The following ADSS2 variants were observed in gnomAD, a reference collection of about 807,000 sequenced individuals.
ADSS2 encodes the protein adenylosuccinate synthetase isozyme 2.
In ADSS2, 30 loss-of-function variants were observed where a neutral mutation model predicts 60.0. The observed-to-expected ratio is 0.50, with a 90% CI of 0.37 to 0.68. The LOEUF (loss-of-function observed/expected upper bound fraction) is 0.68, where lower values mean the gene tolerates loss of function less well. Among genes scored for constraint, ADSS2 ranks in the 30% least tolerant of loss-of-function variants. The pLI is 0.00. For synonymous variants in ADSS2, 187 were observed against 193.1 expected, an observed-to-expected ratio of 0.97 and a Z score of 0.26; for missense variants, 373 against 554.8, an observed-to-expected ratio of 0.67 and a Z score of 3.29.
At chr1:244,440,374 G>T (rs1468596364) in intron 1 of ADSS2, among the ~76,000 whole-genome samples, 1 of 152,008 alleles carries the variant, frequency 6.6e-6, no homozygotes. Context: ...CTATTTACAC[G>T]GTGTTTTGCA....
At chr1:244,428,415 C>T (rs755269935) in intron 4 of ADSS2, among the ~76,000 whole-genome samples, 3 of 151,302 alleles carry the variant, frequency 2.0e-5, no homozygotes, top group South Asian at 2.1e-4. Context: ...ATAATATTTG[C>T]GGAATATCGC....
At chr1:244,418,701 GA>G (rs1021906636) in intron 9 of ADSS2, 58 bp downstream of exon 9, 12 of 1,456,292 alleles carry the variant, frequency 8.2e-6, no homozygotes, top group South Asian at 5.7e-5. Context: ...AATTCATTAA[GA>G]AAAAAAAGAA....
At position 244,451,269 on chromosome 1, in the gene ADSS2, C is replaced by T. The variant is rs1326292964; in HGVS notation, c.183+366G>A. On this transcript the variant is annotated intron_variant, in intron 1 of 12. Coordinates refer to ENST00000366535, the MANE Select transcript of ADSS2 (RefSeq NM_001126.5). The surrounding 1 kb of genome is among the most constrained non-coding windows in gnomAD (Gnocchi z 6.6). ...AGTCGGAAGAGTTGGGAGCAGGCCT[C>T]GGGCGGTAGCTCCTCAAACTCGGAC... is the stretch of plus-strand genomic sequence containing the variant. 6.6e-6 allele frequency among the ~76,000 whole-genome samples: 1 copy of T among 152,176 alleles called. No individual in the cohort carries two copies. Among genetic ancestry groups the T allele is most frequent in the Non-Finnish European group, 1.5e-5 (1 of 68,032 alleles).
At chr1:244,424,092 A>G in intron 5 of ADSS2, 32 bp from the exon 6 acceptor site, 1 of 1,564,384 alleles carries the variant, frequency 6.4e-7, no homozygotes, top group Non-Finnish European at 8.7e-7. Flanking sequence ...GCTTTAAGTC[A>G]GACAAGAAAG....
intron 4 of ADSS2, among the ~76,000 whole-genome samples, chr1:244,425,582 G>A (rs1664785147): frequency 6.6e-6 from 1 of 152,048 alleles, no homozygotes; most frequent in Non-Finnish European, 1.5e-5. Context: ...GATTAACCCT[G>A]CCCCTAAAAC....
At chr1:244,416,220 T>G (rs1161966210) in intron 10 of ADSS2, 142 bp from the exon 11 acceptor site, 1 of 618,356 alleles carries the variant, frequency 1.6e-6, no homozygotes, top group Non-Finnish European at 2.8e-6. Context: ...AGGATTATAT[T>G]TTAAAGCGTG....
intron 6 of ADSS2, among the ~76,000 whole-genome samples, chr1:244,423,367 G>C (rs1322819854): frequency 6.6e-6 from 1 of 152,136 alleles, no homozygotes; most frequent in Non-Finnish European, 1.5e-5. Context: ...TGATCGAAAG[G>C]GGATACAATG....
rs1665603027 is a variant in ADSS2 at position 244,451,539 on chromosome 1, G to A, written c.183+96C>T. 15 of 1,357,176 alleles carry A rather than the reference G, an allele frequency of 1.1e-5. No individual in the cohort carries two copies. Among genetic ancestry groups the A allele is most frequent in the Non-Finnish European group, 1.5e-5 (15 of 1,011,558 alleles). The allele number at this position is 1,357,176 out of a possible 1,614,324, so 84.1% of individuals were successfully genotyped here. On this transcript the variant is annotated intron_variant, in intron 1 of 12. Coordinates refer to ENST00000366535, the MANE Select transcript of ADSS2 (RefSeq NM_001126.5). The surrounding 1 kb of genome is among the most constrained non-coding windows in gnomAD (Gnocchi z 6.6). ...TCAAGGTGACACCTCATTTTGGCCA[G>A]TGGATCCGGGTTCTGGGTCCGAGTT...
At chr1:244,450,474 A>G (rs1042169820) in intron 1 of ADSS2, among the ~76,000 whole-genome samples, 2 of 152,258 alleles carry the variant, frequency 1.3e-5, no homozygotes, top group Non-Finnish European at 2.9e-5. Context: ...GCTTTTTAAC[A>G]TACCTGTGAT....
At chr1:244,430,791 T>G (rs997353831) in intron 4 of ADSS2, among the ~76,000 whole-genome samples, 2 of 152,150 alleles carry the variant, frequency 1.3e-5, no homozygotes, top group Non-Finnish European at 2.9e-5. Flanking sequence ...CAAAAACATA[T>G]TTTTCCTTAT....
chr1:244,410,105 T>A (rs1664378574), intron 12 of ADSS2, among the ~76,000 whole-genome samples: 1 of 152,210 alleles, frequency 6.6e-6, no homozygotes, highest in African/African-American at 2.4e-5. Context: ...CCAGCTTCCA[T>A]AAGGTACTGT....
chr1:244,430,017 C>A (rs1664899444), intron 4 of ADSS2, among the ~76,000 whole-genome samples: 1 of 152,074 alleles, frequency 6.6e-6, no homozygotes, highest in South Asian at 2.1e-4. Context: ...ACACATATGA[C>A]CACTAACACC....
At chr1:244,411,546 T>C in intron 11 of ADSS2, 110 bp from the exon 12 acceptor site, 2 of 1,143,346 alleles carry the variant, frequency 1.7e-6, no homozygotes, top group Non-Finnish European at 2.5e-6. Flanking sequence ...GAGCCACATA[T>C]GTTTTGGGAT....
intron 4 of ADSS2, among the ~76,000 whole-genome samples, chr1:244,426,895 A>G (rs964335775): frequency 1.3e-5 from 2 of 152,174 alleles, no homozygotes; most frequent in African/African-American, 4.8e-5. Context: ...TTCTATTGAT[A>G]TGATTTGTTT....
At chr1:244,442,285 T>C (rs1321087516) in intron 1 of ADSS2, among the ~76,000 whole-genome samples, 1 of 151,712 alleles carries the variant, frequency 6.6e-6, no homozygotes, top group Non-Finnish European at 1.5e-5. Flanking sequence ...TTTAGGCAGA[T>C]GGTTGTGATG....
intron 11 of ADSS2, among the ~76,000 whole-genome samples, chr1:244,414,103 A>G (rs1664476901): frequency 6.6e-6 from 1 of 152,146 alleles, no homozygotes; most frequent in Non-Finnish European, 1.5e-5. Context: ...GAATAATTCA[A>G]TCGTCCCCTA....
chr1:244,425,931 T>A (rs1360935315), intron 4 of ADSS2, among the ~76,000 whole-genome samples: 1 of 152,132 alleles, frequency 6.6e-6, no homozygotes, highest in Admixed American at 6.6e-5. Flanking sequence ...TATCCCAATA[T>A]TGGAAACAAC....
intron 1 of ADSS2, among the ~76,000 whole-genome samples, chr1:244,440,788 G>A (rs1011641611): frequency 1.1e-4 from 17 of 152,078 alleles, no homozygotes; most frequent in South Asian, 2.1e-4. Context: ...GGCAGCTTGC[G>A]TACTTCCATA....
chr1:244,424,534 G>A, intron 4 of ADSS2, 147 bp from the exon 5 acceptor site: 1 of 597,856 alleles, frequency 1.7e-6, no homozygotes, highest in East Asian at 2.9e-5. Flanking sequence ...GATGATAGAA[G>A]TTTATAACAC....
Sources: gnomAD v4.1 joint callset for allele counts (sites outside exome capture counted in the v4.1 genomes callset) on GRCh38, gnomAD v4.1.1 for gene constraint, Gnocchi (gnomAD v3.1) non-coding constraint, MANE v1.5 for transcripts, NCBI Gene and HGNC (gene_info 2026-07-23, HGNC 2026-07-21) for gene names.